Variants in RASGRP1 observed in about 807,000 individuals in gnomAD.
RASGRP1 encodes the protein RAS guanyl releasing protein 1.
A neutral mutation model predicts 95.1 loss-of-function variants in RASGRP1; 37 were observed. The ratio of observed to expected loss-of-function variants is 0.39; its 90% CI spans 0.30 to 0.51. The LOEUF is 0.51. Ranked by LOEUF, RASGRP1 falls within the 20% of genes least tolerant of loss-of-function variation. The pLI, the probability that RASGRP1 is intolerant of heterozygous loss-of-function variation, is 0.80. For missense variants in RASGRP1, 711 were observed against 965.4 expected, an observed-to-expected ratio of 0.74 and a Z score of 3.49; for synonymous variants, 325 against 353.4, an observed-to-expected ratio of 0.92 and a Z score of 0.90.
At chr15:38,542,822 TAC>T (rs1892919376) in intron 2 of RASGRP1, among the ~76,000 whole-genome samples, 1 of 145,930 alleles carries the variant, frequency 6.9e-6, no homozygotes, top group Admixed American at 6.9e-5. Context: ...GTCAGATATA[TAC>T]ATATATATGT....
chr15:38,503,169 G>A lies in RASGRP1; in HGVS notation c.1428+103C>T, dbSNP rs2141094144. On this transcript the variant is annotated intron_variant, in intron 11 of 16. Transcript: ENST00000310803. Reference sequence around the variant, plus strand: ...GAGAAGTAAGTGGTTCAAGTTTCGTGCCTTTACATTTCCACCATTGTGCTT... The same window carrying A: ...GAGAAGTAAGTGGTTCAAGTTTCGTACCTTTACATTTCCACCATTGTGCTT... 14 of 899,764 alleles carry A rather than the reference G, an allele frequency of 1.6e-5. No homozygotes were observed. In the South Asian group the frequency reaches 2.2e-4, roughly 14 times the overall value. 55.7% of individuals were successfully genotyped at this position (899,764 alleles called of 1,614,324 possible).
chr15:38,557,599 A>ATG lies in RASGRP1; in HGVS notation c.220+2221_220+2222insCA, dbSNP rs1228086838. 1.7e-3 allele frequency among the ~76,000 whole-genome samples: 208 copies of ATG among 119,414 alleles called. 2 individuals carry two copies. The highest frequency in any genetic ancestry group is 7.1e-3 in the African/African-American group (201 of 28,456). The allele number at this position is 119,414 out of a possible 152,430, so 78.3% of individuals were successfully genotyped here. A position where few individuals can be genotyped will look rare whatever the true frequency, so the allele number is the denominator to read the frequency against. On this transcript the variant is annotated intron_variant, in intron 2 of 16. Transcript: ENST00000310803. Reference sequence around the variant, plus strand: ...ATTTATCACCCTGTCCTTTGTATATATATGTGTGTGTGTGTGTGTGTGTGT... The same window carrying ATG: ...ATTTATCACCCTGTCCTTTGTATATATGTATGTGTGTGTGTGTGTGTGTGTGT...
At chr15:38,499,081 TC>T in intron 14 of RASGRP1, 135 bp from the exon 15 acceptor site, 1 of 1,209,282 alleles carries the variant, frequency 8.3e-7, no homozygotes, top group Non-Finnish European at 1.2e-6. Flanking sequence ...CACTTAACAT[TC>T]CTAATGAAGC....
chr15:38,561,234 G>T (rs746340317), intron 1 of RASGRP1, among the ~76,000 whole-genome samples: 1 of 152,132 alleles, frequency 6.6e-6, no homozygotes, highest in African/African-American at 2.4e-5. Flanking sequence ...ATTGTGATTG[G>T]CCAGAGAAGA....
At chr15:38,550,023 C>T (rs973575260) in intron 2 of RASGRP1, among the ~76,000 whole-genome samples, 18 of 151,868 alleles carry the variant, frequency 1.2e-4, no homozygotes, top group African/African-American at 3.9e-4. Flanking sequence ...TTTGAGAGGA[C>T]GAGGCAGGTG....
At chr15:38,550,042 G>C (rs932243199) in intron 2 of RASGRP1, among the ~76,000 whole-genome samples, 3 of 151,988 alleles carry the variant, frequency 2.0e-5, no homozygotes, top group African/African-American at 7.2e-5. Flanking sequence ...TGGATCTCTT[G>C]AGCTCAGGAG....
At chr15:38,534,886 G>A (rs893977630) in intron 2 of RASGRP1, among the ~76,000 whole-genome samples, 5 of 152,318 alleles carry the variant, frequency 3.3e-5, no homozygotes, top group African/African-American at 1.2e-4. Context: ...GAGCAGGAAG[G>A]AGGAGCAGGC....
chr15:38,564,412 C>G (rs1217151163), intron 1 of RASGRP1, among the ~76,000 whole-genome samples, 182 bp downstream of exon 1: 2 of 152,140 alleles, frequency 1.3e-5, no homozygotes, highest in African/African-American at 4.8e-5. Context: ...CCCCGAAACC[C>G]CGGGCGCAGC....
At chr15:38,521,343 T>A (rs2141131781) in intron 3 of RASGRP1, among the ~76,000 whole-genome samples, 1 of 152,336 alleles carries the variant, frequency 6.6e-6, no homozygotes, top group Non-Finnish European at 1.5e-5. Flanking sequence ...ATACATTAAA[T>A]CGACATGGTG....
At chr15:38,550,867 A>G (rs1045571024) in intron 2 of RASGRP1, among the ~76,000 whole-genome samples, 7 of 152,094 alleles carry the variant, frequency 4.6e-5, no homozygotes, top group Non-Finnish European at 1.0e-4. Flanking sequence ...GCCAGTCTGT[A>G]TTTTCTACGT....
intron 8 of RASGRP1, among the ~76,000 whole-genome samples, chr15:38,508,966 C>A (rs1448607521): frequency 6.6e-6 from 1 of 152,156 alleles, no homozygotes; most frequent in Non-Finnish European, 1.5e-5. Context: ...AGTAACAAAC[C>A]CGATTGCTGT....
chr15:38,542,222 TAAC>T (rs1170033764), intron 2 of RASGRP1, among the ~76,000 whole-genome samples: 1 of 151,950 alleles, frequency 6.6e-6, no homozygotes, highest in East Asian at 1.9e-4. Context: ...AACTAAAAAA[TAAC>T]AACAAAAGCA....
intron 2 of RASGRP1, among the ~76,000 whole-genome samples, chr15:38,541,771 T>C (rs1892873031): frequency 6.6e-6 from 1 of 152,142 alleles, no homozygotes; most frequent in African/African-American, 2.4e-5. Flanking sequence ...ACTGTGGGAT[T>C]GCAGATATAA....
intron 13 of RASGRP1, 21 bp downstream of exon 13, chr15:38,501,122 A>G: frequency 6.4e-7 from 1 of 1,573,542 alleles, no homozygotes; most frequent in Non-Finnish European, 8.6e-7. Context: ...TCAGCCCTGG[A>G]GCACCCTAAG....
chr15:38,499,514 T>C (rs1361012297), intron 14 of RASGRP1, among the ~76,000 whole-genome samples: 1 of 151,996 alleles, frequency 6.6e-6, no homozygotes, highest in African/African-American at 2.4e-5. Context: ...GAAAGAGGAT[T>C]TTATACAGAG....
intron 15 of RASGRP1, among the ~76,000 whole-genome samples, chr15:38,496,731 T>TAGAC (rs79460868): frequency 0.011 from 1,704 of 152,252 alleles, 20 homozygotes; most frequent in Non-Finnish European, 0.019. Context: ...TGTGTTTAGA[T>TAGAC]AGATAGTAAG....
chr15:38,530,855 A>C (rs1892406391), intron 2 of RASGRP1, among the ~76,000 whole-genome samples: 1 of 152,202 alleles, frequency 6.6e-6, no homozygotes. Flanking sequence ...TTGTCTTCAA[A>C]TATCTGAAGT....
At chr15:38,531,812 T>C (rs934969086) in intron 2 of RASGRP1, among the ~76,000 whole-genome samples, 3 of 152,176 alleles carry the variant, frequency 2.0e-5, no homozygotes, top group Non-Finnish European at 4.4e-5. Flanking sequence ...GTTCTACTTT[T>C]CAACGAGAGA....
chr15:38,557,626 T>C (rs1425362204), intron 2 of RASGRP1, among the ~76,000 whole-genome samples: 5 of 151,082 alleles, frequency 3.3e-5, no homozygotes, highest in African/African-American at 1.2e-4. Flanking sequence ...TGTGTGTGTG[T>C]GTGTATATAT....
Sources: allele counts gnomAD v4.1 joint callset (sites outside exome capture counted in the v4.1 genomes callset), GRCh38; gene constraint gnomAD v4.1.1; transcripts MANE v1.5; gene names NCBI Gene and HGNC (gene_info 2026-07-23, HGNC 2026-07-21).